DCC: variants seen among roughly 807,000 people sequenced by gnomAD.
The protein encoded by DCC is DCC netrin 1 receptor, also known as netrin receptor DCC.
Under a neutral mutation model 172.5 loss-of-function variants are expected in DCC, and 58 were observed. That is an observed-to-expected ratio of 0.34 (90% CI 0.27 to 0.42). DCC has a LOEUF of 0.42. DCC is among the 10% of genes least tolerant of loss of function. The pLI is 1.00. For missense variants in DCC, 1,740 were observed against 1,791.0 expected (o/e 0.97, Z 0.51); for synonymous variants, 709 against 644.5 (o/e 1.10, Z -1.52).
chr18:52,449,692 A>G (rs1988239805), intron 1 of DCC, among the ~76,000 whole-genome samples: 1 of 152,156 alleles, frequency 6.6e-6, no homozygotes, highest in Non-Finnish European at 1.5e-5. Context: ...CCCAAATCTT[A>G]CCTTTAATTG....
chr18:53,256,057 G>A (rs995969251), intron 12 of DCC, among the ~76,000 whole-genome samples: 13 of 152,126 alleles, frequency 8.5e-5, no homozygotes, highest in African/African-American at 3.1e-4. Flanking sequence ...TTTTGATGGG[G>A]TTGTTTGTTT....
At chr18:53,271,451 G>C (rs929100124) in intron 12 of DCC, among the ~76,000 whole-genome samples, 2 of 152,180 alleles carry the variant, frequency 1.3e-5, no homozygotes, top group Admixed American at 6.5e-5. Flanking sequence ...CCACAATGCT[G>C]TCTCAAGTTA....
chr18:53,102,387 C>T lies in DCC; in HGVS notation c.1261+36221C>T, dbSNP rs150410984. Among the ~76,000 whole-genome samples, 14 of 151,994 alleles carry T rather than the reference C, an allele frequency of 9.2e-5. No homozygotes were observed. The East Asian group carries it at 1.4e-3, about 15-fold the overall frequency. On this transcript the variant is annotated intron_variant, in intron 7 of 28. Coordinates refer to ENST00000442544, the MANE Select transcript of DCC (RefSeq NM_005215.4). ...TTTATAGGGAGATAAGTGATCATTC[C>T]GTGTGTTTTTATTCTTTTGATTGTC...
intron 9 of DCC, among the ~76,000 whole-genome samples, chr18:53,184,771 G>A (rs1042105959): frequency 1.3e-5 from 2 of 152,144 alleles, no homozygotes; most frequent in African/African-American, 4.8e-5. Context: ...ATTGTTATGT[G>A]ACACTTGGCT....
intron 5 of DCC, among the ~76,000 whole-genome samples, chr18:53,032,564 G>T (rs1271055196): frequency 1.3e-5 from 2 of 152,144 alleles, no homozygotes; most frequent in Non-Finnish European, 1.5e-5. Flanking sequence ...CCTATGCATT[G>T]TATCTGTGGA....
At chr18:52,669,223 G>A (rs1030268566) in intron 1 of DCC, among the ~76,000 whole-genome samples, 4 of 152,196 alleles carry the variant, frequency 2.6e-5, no homozygotes, top group African/African-American at 9.6e-5. Flanking sequence ...ATCCATCTTA[G>A]TGGTGCCAGC....
intron 9 of DCC, among the ~76,000 whole-genome samples, chr18:53,181,824 A>G: frequency 6.6e-6 from 1 of 152,176 alleles, no homozygotes; most frequent in East Asian, 1.9e-4. Flanking sequence ...GGGAACTTAT[A>G]AGAAGTTGGT....
intron 15 of DCC, among the ~76,000 whole-genome samples, chr18:53,385,372 G>A (rs559176262): frequency 6.6e-6 from 1 of 152,182 alleles, no homozygotes; most frequent in Non-Finnish European, 1.5e-5. Context: ...CCGGGCCTAC[G>A]AAAGCTTGCC....
At chr18:52,890,025 T>A (rs2039625427) in intron 2 of DCC, among the ~76,000 whole-genome samples, 1 of 152,156 alleles carries the variant, frequency 6.6e-6, no homozygotes, top group Non-Finnish European at 1.5e-5. Context: ...AAAATTTAAT[T>A]GGATGAAAAT....
intron 1 of DCC, among the ~76,000 whole-genome samples, chr18:52,503,108 T>C (rs1025173882): frequency 6.6e-6 from 1 of 152,180 alleles, no homozygotes; most frequent in Non-Finnish European, 1.5e-5. Context: ...CTTATTTTAC[T>C]GAGGTTTTTC....
intron 7 of DCC, among the ~76,000 whole-genome samples, chr18:53,139,960 T>G (rs1355611587): frequency 6.6e-6 from 1 of 152,208 alleles, no homozygotes; most frequent in Non-Finnish European, 1.5e-5. Context: ...GGTATTTATC[T>G]TGCTTACTGA....
At chr18:52,460,951 T>G (rs1988610825) in intron 1 of DCC, among the ~76,000 whole-genome samples, 1 of 152,180 alleles carries the variant, frequency 6.6e-6, no homozygotes, top group South Asian at 2.1e-4. Context: ...TGTACTAAAT[T>G]TATAAAAAAT....
chr18:52,705,227 G>C (rs1232526581), intron 1 of DCC, among the ~76,000 whole-genome samples: 1 of 152,158 alleles, frequency 6.6e-6, no homozygotes, highest in Non-Finnish European at 1.5e-5. Flanking sequence ...CTCAGATGAA[G>C]ATGAGTCTCC....
At chr18:53,226,948 A>ATATATATATATATATTTTTTTTTGTTTTT in intron 12 of DCC, among the ~76,000 whole-genome samples, 1 of 52,950 alleles carries the variant, frequency 1.9e-5, no homozygotes, top group Non-Finnish European at 4.0e-5. Context: ...ATATATATAT[A>ATATATATATATATATTTTTTTTTGTTTTT]TTTTTTTTTT....
At chr18:52,716,775 T>G (rs2036391040) in intron 1 of DCC, among the ~76,000 whole-genome samples, 1 of 152,204 alleles carries the variant, frequency 6.6e-6, no homozygotes, top group Admixed American at 6.5e-5. Flanking sequence ...TTTATGCATA[T>G]GATTTGACTT....
At chr18:52,952,518 G>C (rs2040666337) in intron 5 of DCC, among the ~76,000 whole-genome samples, 1 of 152,154 alleles carries the variant, frequency 6.6e-6, no homozygotes, top group African/African-American at 2.4e-5. Flanking sequence ...AAAGTGATGA[G>C]GAAGTTAGAA....
intron 14 of DCC, among the ~76,000 whole-genome samples, chr18:53,330,806 A>T (rs946893821): frequency 6.6e-6 from 1 of 152,180 alleles, no homozygotes; most frequent in African/African-American, 2.4e-5. Context: ...TACTTCTAGG[A>T]AGCTTTCTCT....
Position 53,384,846 on chromosome 18 carries a change from A to ATT in DCC, c.2360-1197_2360-1196insTT, listed in dbSNP as rs201400467. On this transcript the variant is annotated intron_variant, in intron 15 of 28. Coordinates refer to ENST00000442544, the MANE Select transcript of DCC (RefSeq NM_005215.4). ...ATTTTGTAAAGAAGTTTACCTCAAT[A>ATT]ATTTTTTTTTCTTTTTTTTGAGGCA... Among the ~76,000 whole-genome samples the ATT allele has an allele frequency of 1.6e-4, 9 of 56,460 alleles. No homozygotes were observed. In the East Asian group the frequency reaches 1.8e-3, roughly 11 times the overall value. The allele number at this position is 56,460 out of a possible 152,430, so 37.0% of individuals were successfully genotyped here.
At chr18:52,988,932 A>C (rs1427851724) in intron 5 of DCC, among the ~76,000 whole-genome samples, 1 of 151,402 alleles carries the variant, frequency 6.6e-6, no homozygotes, top group Non-Finnish European at 1.5e-5. Flanking sequence ...ATTTTGAAAA[A>C]TCCAAGCGAT....
Sources: allele counts gnomAD v4.1 joint callset (sites outside exome capture counted in the v4.1 genomes callset), GRCh38; gene constraint gnomAD v4.1.1; transcripts MANE v1.5; gene names NCBI Gene and HGNC (gene_info 2026-07-23, HGNC 2026-07-21).